TIAM2: variants seen among roughly 807,000 people sequenced by gnomAD.
TIAM2 encodes the protein rho guanine nucleotide exchange factor TIAM2.
TIAM2 carries 80 observed loss-of-function variants against 152.9 expected under a neutral mutation model. The ratio of observed to expected loss-of-function variants is 0.52; its 90% CI spans 0.44 to 0.63. The LOEUF is 0.63. TIAM2 is among the 30% of genes least tolerant of loss of function. The pLI is 0.00. For synonymous variants in TIAM2, 804 were observed against 838.0 expected (o/e 0.96, Z 0.70); for missense variants, 1,965 against 2,120.1 (o/e 0.93, Z 1.44).
intron 1 of TIAM2, among the ~76,000 whole-genome samples, chr6:155,022,805 T>C (rs1776524343): frequency 6.6e-6 from 1 of 152,232 alleles, no homozygotes; most frequent in African/African-American, 2.4e-5. Context: ...AGTTACGATA[T>C]GGTTGCTACT....
chr6:155,256,855 G>C lies in TIAM2; in HGVS notation c.4840G>C (p.Glu1614Gln). 1.2e-6 allele frequency: 2 copies of C among 1,614,230 alleles called. No homozygotes were observed. The highest frequency in any genetic ancestry group is 1.7e-6 in the Non-Finnish European group (2 of 1,180,044). The change falls in exon 27 of 27, where the codon GAG (glutamate) becomes CAG (glutamine). Residue 1614 changes from glutamate (E) to glutamine (Q), a missense_variant. Glu to Gln is a conservative substitution (Grantham distance 29, BLOSUM62 2). Around this residue, in one of 3 missense-constraint regions of TIAM2, gnomAD observed 935 missense variants for 980.0 expected, o/e 0.95. Coordinates refer to ENST00000682666, the MANE Select transcript of TIAM2 (RefSeq NM_012454.4). Reference protein sequence around the residue: ...HPEAEQQPGPESGEGQKGGEQ... With the variant: ...HPEAEQQPGPQSGEGQKGGEQ... ...CGAGGCTGAGCAGCAGCCTGGCCCG[G>C]AGTCGGGTGAGGGTCAGAAAGGAGG...
chr6:155,029,654 T>TAG (rs1434594531), intron 1 of TIAM2, among the ~76,000 whole-genome samples: 1 of 89,946 alleles, frequency 1.1e-5, no homozygotes, highest in Non-Finnish European at 2.4e-5. Flanking sequence ...TAACTATATA[T>TAG]AGAGTTATAT....
chr6:155,205,858 C>T (rs776149359), intron 14 of TIAM2, among the ~76,000 whole-genome samples: 10 of 152,152 alleles, frequency 6.6e-5, no homozygotes, highest in Non-Finnish European at 7.3e-5. Flanking sequence ...AAAACCCACA[C>T]GTTTGCATAT....
rs567325739 is a variant in TIAM2, at chr6:155,003,626, G to A, written c.-209+8134G>A. 2.5e-3 allele frequency among the ~76,000 whole-genome samples: 380 copies of A among 152,286 alleles called. 1 individual carries two copies. The highest frequency in any genetic ancestry group is 8.7e-3 in the African/African-American group (360 of 41,564). ...CACCGGGGCCAAAGGGGACACTCTTGTGGGAGGAGCAGAGGGGCCCACATC... is the reference window on the plus strand; with the variant it reads ...CACCGGGGCCAAAGGGGACACTCTTATGGGAGGAGCAGAGGGGCCCACATC... On this transcript the variant is annotated intron_variant, in intron 1 of 26. Transcript: ENST00000682666.
chr6:155,006,203 C>G (rs1161629071), intron 1 of TIAM2, among the ~76,000 whole-genome samples: 1 of 152,140 alleles, frequency 6.6e-6, no homozygotes, highest in Non-Finnish European at 1.5e-5. Flanking sequence ...GAGTGCCTAC[C>G]AAGTCCCTGA....
At chr6:155,007,167 T>C (rs1355531550) in intron 1 of TIAM2, among the ~76,000 whole-genome samples, 3 of 152,244 alleles carry the variant, frequency 2.0e-5, no homozygotes, top group South Asian at 4.1e-4. Flanking sequence ...GTGGAGGGTG[T>C]GGGGGAGTGG....
intron 2 of TIAM2, among the ~76,000 whole-genome samples, chr6:155,096,375 TA>T (rs750779307): frequency 1.4e-4 from 21 of 152,294 alleles, no homozygotes; most frequent in Non-Finnish European, 2.9e-4. Flanking sequence ...ACTATTCTTT[TA>T]TAGCTTGTTT....
At chr6:155,250,294 T>C (rs1233276958) in intron 21 of TIAM2, among the ~76,000 whole-genome samples, 1 of 142,600 alleles carries the variant, frequency 7.0e-6, no homozygotes, top group African/African-American at 2.5e-5. Flanking sequence ...ATTTTGCCTT[T>C]TTTTTTTTTT....
At chr6:155,083,402 T>C (rs1269953712) in intron 1 of TIAM2, among the ~76,000 whole-genome samples, 1 of 151,258 alleles carries the variant, frequency 6.6e-6, no homozygotes, top group East Asian at 1.9e-4. Context: ...AAGACACTTA[T>C]TTCATAGGAA....
chr6:155,004,542 C>T (rs1431460986), intron 1 of TIAM2, among the ~76,000 whole-genome samples: 1 of 152,082 alleles, frequency 6.6e-6, no homozygotes, highest in Non-Finnish European at 1.5e-5. Context: ...TTACAGGCGC[C>T]CGCCACTACG....
chr6:155,071,826 G>C (rs913072511), intron 1 of TIAM2, among the ~76,000 whole-genome samples: 22 of 151,634 alleles, frequency 1.5e-4, no homozygotes, highest in Admixed American at 9.9e-4. Context: ...AACCTGGGAG[G>C]TGGAGGTTAC....
chr6:155,166,586 G>A (rs1448341207), intron 9 of TIAM2, among the ~76,000 whole-genome samples: 1 of 152,174 alleles, frequency 6.6e-6, no homozygotes, highest in African/African-American at 2.4e-5. Context: ...GCCTCCCAGA[G>A]TGCTGATTAC....
intron 1 of TIAM2, among the ~76,000 whole-genome samples, chr6:155,039,021 C>T (rs566481248): frequency 1.4e-3 from 178 of 130,996 alleles, no homozygotes; most frequent in Non-Finnish European, 2.1e-3. Flanking sequence ...AGTGTAGTGG[C>T]GTGATTTTGG....
intron 1 of TIAM2, among the ~76,000 whole-genome samples, chr6:155,047,060 G>A (rs1022868482): frequency 1.3e-5 from 2 of 152,188 alleles, no homozygotes; most frequent in African/African-American, 4.8e-5. Flanking sequence ...GACAGAAAAC[G>A]TCTTTAATGT....
intron 1 of TIAM2, among the ~76,000 whole-genome samples, chr6:155,002,467 G>T (rs1249496140): frequency 1.3e-5 from 2 of 151,394 alleles, no homozygotes; most frequent in Non-Finnish European, 1.5e-5. Context: ...AAATGAGAAA[G>T]TTCACTAAGT....
intron 6 of TIAM2, among the ~76,000 whole-genome samples, chr6:155,147,358 G>A (rs1394386253): frequency 3.3e-5 from 5 of 152,058 alleles, no homozygotes; most frequent in Admixed American, 6.6e-5. Context: ...CCAGGCTGGC[G>A]TGCAGTGGCA....
chr6:155,130,335 C>T lies in TIAM2; in HGVS notation c.1112C>T (p.Ala371Val), dbSNP rs757500376. ...RKPKAFVEDT[A>V]KKDSLKARMR... Reference sequence around the variant, plus strand: ...CCCAAAGCCTTTGTTGAGGATACTGCGAAGAAGGACTCCCTCAAAGCCAGG... The same window carrying T: ...CCCAAAGCCTTTGTTGAGGATACTGTGAAGAAGGACTCCCTCAAAGCCAGG... Residue 371 changes from alanine to valine, a missense_variant, in exon 4 of 27, where the codon GCG becomes GTG. Ala to Val is a moderately conservative substitution (Grantham distance 64). Around this residue, in one of 3 missense-constraint regions of TIAM2, gnomAD observed 1,025 missense variants for 1,119.4 expected, o/e 0.92. Coordinates refer to ENST00000682666, the MANE Select transcript of TIAM2 (RefSeq NM_012454.4). 5.0e-5 allele frequency: 80 copies of T among 1,613,960 alleles called. No homozygotes were observed. The highest frequency in any genetic ancestry group is 6.7e-5 in the East Asian group (3 of 44,888).
intron 1 of TIAM2, among the ~76,000 whole-genome samples, chr6:155,033,049 A>G (rs1776854686): frequency 1.3e-5 from 2 of 152,148 alleles, no homozygotes; most frequent in Non-Finnish European, 2.9e-5. Context: ...GTTAGACTGT[A>G]TGTTAAACAC....
At chr6:155,177,099 G>A in intron 10 of TIAM2, 122 bp downstream of exon 10, 1 of 865,826 alleles carries the variant, frequency 1.2e-6, no homozygotes, top group Non-Finnish European at 1.7e-6. Context: ...GAACATATTA[G>A]CATATTTATT....
Sources: allele counts gnomAD v4.1 joint callset (sites outside exome capture counted in the v4.1 genomes callset), GRCh38; gene constraint gnomAD v4.1.1; regional missense constraint gnomAD v4.1.1; transcripts MANE v1.5; gene names NCBI Gene and HGNC (gene_info 2026-07-23, HGNC 2026-07-21).